TSC2: variants seen among roughly 807,000 people sequenced by gnomAD.
TSC2 encodes tuberin.
In TSC2, 29 loss-of-function variants were observed where a neutral mutation model predicts 202.2. The observed-to-expected ratio is 0.14, with a 90% confidence interval of 0.11 to 0.20. The LOEUF (loss-of-function observed/expected upper bound fraction) is 0.20. Among genes scored for constraint, TSC2 ranks in the 10% least tolerant of loss-of-function variants. TSC2 has a pLI of 1.00. For synonymous variants in TSC2, 1,349 were observed against 1,044.0 expected (o/e 1.29, Z -5.63); for missense variants, 2,429 against 2,420.0 (o/e 1.00, Z -0.08).
chr16:2,085,676 C>T (rs1162605098), intron 36 of TSC2, among the ~76,000 whole-genome samples: 1 of 152,178 alleles, frequency 6.6e-6, no homozygotes, highest in Non-Finnish European at 1.5e-5. Flanking sequence ...CACACACCAG[C>T]AGCGGGGGCC....
intron 19 of TSC2, 134 bp from the exon 20 acceptor site, chr16:2,072,107 A>G: frequency 6.5e-7 from 1 of 1,546,394 alleles, no homozygotes; most frequent in Non-Finnish European, 8.7e-7. Flanking sequence ...TGCGCTGGGC[A>G]GGCTCCCCCG....
chr16:2,081,487 A>G, intron 30 of TSC2, 108 bp from the exon 31 acceptor site: 4 of 1,367,778 alleles, frequency 2.9e-6, no homozygotes, highest in Non-Finnish European at 4.2e-6. Context: ...GGATTGTGGG[A>G]GGGAGCATGA....
At chr16:2,072,754 T>C in intron 20 of TSC2, 95 bp from the exon 21 acceptor site, 5 of 1,599,538 alleles carry the variant, frequency 3.1e-6, no homozygotes, top group Non-Finnish European at 4.3e-6. Context: ...TTGCCCCCTT[T>C]CCTGGGCCTG....
At position 2,088,919 on chromosome 16, in the gene TSC2, G is replaced by A; in HGVS notation, c.*309G>A. 5.2e-6 allele frequency: 2 copies of A among 386,192 alleles called. No homozygotes were observed. Among genetic ancestry groups the A allele is most frequent in the Non-Finnish European group, 4.8e-6 (1 of 209,154 alleles). The allele number at this position is 386,192 out of a possible 1,614,324, so 23.9% of individuals were successfully genotyped here. A position where few individuals can be genotyped will look rare whatever the true frequency, so the allele number is the denominator to read the frequency against. On this transcript the variant is annotated 3_prime_UTR_variant, in exon 42 of 42. Coordinates refer to ENST00000219476, the MANE Select transcript of TSC2 (RefSeq NM_000548.5). ...CACACAGTCACCTTCCTCCACCCTG[G>A]GAGCCAGCCCCCAGGAGGAGTCTTT...
chr16:2,049,628 C>T (rs1364554757), intron 2 of TSC2, among the ~76,000 whole-genome samples: 1 of 151,662 alleles, frequency 6.6e-6, no homozygotes, highest in African/African-American at 2.4e-5. Context: ...AGTTTGAGAC[C>T]AGCCTGGCCA....
intron 38 of TSC2, among the ~76,000 whole-genome samples, chr16:2,087,622 C>T (rs1049527101): frequency 6.6e-6 from 1 of 152,120 alleles, no homozygotes; most frequent in Non-Finnish European, 1.5e-5. Context: ...AGTGGAGGTG[C>T]CCCAGCAATT....
rs1422918764 is a variant in TSC2, at chr16:2,086,303, G to C, written c.4773G>C (p.Lys1591Asn). 6.2e-7 allele frequency: 1 copy of C among 1,612,952 alleles called. No homozygotes were observed. The highest frequency in any genetic ancestry group is 1.7e-5 in the Admixed American group (1 of 60,016). ...AGCTGAAGGACTGCCAGCCGGACAAGGTGTACCTGGGAGGCCTGGACGTGT... is the reference window on the plus strand; with the variant it reads ...AGCTGAAGGACTGCCAGCCGGACAACGTGTACCTGGGAGGCCTGGACGTGT... ...LIELKDCQPD[K>N]VYLGGLDVCG... is the part of the protein sequence containing the mutation. Residue 1591 changes from lysine (K) to asparagine (N), a missense_variant, in exon 37 of 42, where the codon AAG becomes AAC. Physicochemically the swap from Lys to Asn is moderately conservative, Grantham distance 94. Coordinates refer to ENST00000219476, the MANE Select transcript of TSC2 (RefSeq NM_000548.5).
At chr16:2,070,719 G>A (rs985620709) in intron 17 of TSC2, 141 bp downstream of exon 17, 1 of 1,408,244 alleles carries the variant, frequency 7.1e-7, no homozygotes, top group South Asian at 1.3e-5. Context: ...ACCCACTGTG[G>A]CCGCAGCCTC....
chr16:2,088,926 G>GC lies in TSC2; in HGVS notation c.*321dup, dbSNP rs2091286128. The GC allele has an allele frequency of 2.6e-6, 1 of 385,494 alleles. No homozygotes were observed. The highest frequency in any genetic ancestry group is 4.8e-6 in the Non-Finnish European group (1 of 207,892). 23.9% of individuals were successfully genotyped at this position (385,494 alleles called of 1,614,324 possible). ...TCACCTTCCTCCACCCTGGGAGCCA[G>GC]CCCCCAGGAGGAGTCTTTTCCTCTA... On this transcript the variant is annotated 3_prime_UTR_variant, in exon 42 of 42. Coordinates refer to ENST00000219476, the MANE Select transcript of TSC2 (RefSeq NM_000548.5).
intron 30 of TSC2, 85 bp from the exon 31 acceptor site, chr16:2,081,510 G>A (rs2090137326): frequency 7.6e-6 from 12 of 1,569,900 alleles, no homozygotes; most frequent in Non-Finnish European, 1.1e-5. Context: ...GCAAAACCAG[G>A]GCCCAGGCCA....
intron 36 of TSC2, 71 bp downstream of exon 36, chr16:2,085,393 T>A: frequency 6.5e-7 from 1 of 1,533,946 alleles, no homozygotes; most frequent in Non-Finnish European, 9.0e-7. Context: ...GGGTAGGGAG[T>A]CTGGGCCCCC....
At chr16:2,053,846 C>T (rs542203070) in intron 4 of TSC2, 39 of 493,306 alleles carry the variant, frequency 7.9e-5, no homozygotes, top group South Asian at 5.6e-4. Context: ...ACCCTGAACA[C>T]CCAGGCCTCT....
chr16:2,070,630 C>T (rs1344448005), intron 17 of TSC2, 52 bp downstream of exon 17: 2 of 1,611,484 alleles, frequency 1.2e-6, no homozygotes, highest in Admixed American at 1.7e-5. Flanking sequence ...GCCAGGTATC[C>T]CCGTCTCGGC....
rs747036934 is a variant in TSC2 at position 2,080,526 on chromosome 16, C to A, written c.3610+149C>A. 17 of 899,286 alleles carry A rather than the reference C, an allele frequency of 1.9e-5. No individual in the cohort carries two copies. The South Asian group carries it at 1.9e-4, about 10-fold the overall frequency. The allele number at this position is 899,286 out of a possible 1,614,324, so 55.7% of individuals were successfully genotyped here. A position where few individuals can be genotyped will look rare whatever the true frequency, so the allele number is the denominator to read the frequency against. On this transcript the variant is annotated intron_variant, in intron 30 of 41. Coordinates refer to ENST00000219476, the MANE Select transcript of TSC2 (RefSeq NM_000548.5). ...TGAGACAGAGTCTTGCTCTGTGGCC[C>A]ACGCTGGAACGCAGTGGCGCAATCT...
chr16:2,081,543 A>G (rs1368513926), intron 30 of TSC2, 52 bp from the exon 31 acceptor site: 1 of 1,610,322 alleles, frequency 6.2e-7, no homozygotes, highest in East Asian at 2.2e-5. Flanking sequence ...GGGGCCAGAG[A>G]TGGGTAAGGG....
rs567094102 is a variant in TSC2 at position 2,087,987 on chromosome 16, T to TG, written c.5068+50dup. The TG allele has an allele frequency of 5.7e-5, 92 of 1,611,706 alleles. No individual in the cohort carries two copies. The African/African-American group carries it at 1.2e-3, about 21-fold the overall frequency. On this transcript the variant is annotated intron_variant, in intron 39 of 41. Transcript: ENST00000219476. The stretch of plus-strand genomic sequence containing the variant: ...GCAGTGCAGGAAAGGTAGGGCCGGG[T>TG]GGGGCCCTGCAGTGTGGCGCCAAGA...
chr16:2,088,190 A>C (rs1245872996), intron 40 of TSC2, 37 bp from the exon 41 acceptor site: 2 of 1,612,708 alleles, frequency 1.2e-6, no homozygotes, highest in Admixed American at 1.7e-5. Context: ...CCCAGGTGCC[A>C]CCTGATAGTG....
chr16:2,051,076 A>G (rs534052118), intron 3 of TSC2, among the ~76,000 whole-genome samples: 32 of 151,666 alleles, frequency 2.1e-4, no homozygotes, highest in African/African-American at 7.5e-4. Context: ...CTGTAATCCT[A>G]GGACTTTGGG....
Position 2,084,512 on chromosome 16 carries a change from G to T in TSC2, c.4290G>T (p.Trp1430Cys), listed in dbSNP as rs45517334. 2 of 1,609,252 alleles carry T rather than the reference G, an allele frequency of 1.2e-6. No individual in the cohort carries two copies. The highest frequency in any genetic ancestry group is 8.5e-7 in the Non-Finnish European group (1 of 1,178,802). Residue 1430 changes from tryptophan to cysteine, a missense_variant, in exon 34 of 42, where the codon TGG becomes TGT. By Grantham distance (215) the Trp-to-Cys change is radical. Transcript: ENST00000219476. ...SGTLDGESAA[W>C]SASGEDSRGQ... ...CCCTGGACGGGGAAAGTGCTGCCTG[G>T]TCGGCCTCGGGCGAAGACAGTCGGG...
Sources: allele counts gnomAD v4.1 joint callset (sites outside exome capture counted in the v4.1 genomes callset), GRCh38; gene constraint gnomAD v4.1.1; transcripts MANE v1.5; gene names NCBI Gene and HGNC (gene_info 2026-07-23, HGNC 2026-07-21).